The following PCLO variants were observed in gnomAD, a reference collection of about 807,000 sequenced individuals.
PCLO encodes the protein protein piccolo.
Under a neutral mutation model 427.5 loss-of-function variants are expected in PCLO, and 82 were observed. That is an observed-to-expected ratio of 0.19 (90% CI 0.16 to 0.23). PCLO has a LOEUF of 0.23. PCLO is among the 10% of genes least tolerant of loss of function. PCLO has a pLI of 1.00. For synonymous variants in PCLO, 2,357 were observed against 2,155.4 expected (o/e 1.09, Z -2.59); for missense variants, 6,239 against 6,115.9 (o/e 1.02, Z -0.67).
chr7:83,052,703 T>C (rs545930615), intron 3 of PCLO, among the ~76,000 whole-genome samples: 31 of 152,012 alleles, frequency 2.0e-4, no homozygotes, highest in Non-Finnish European at 2.7e-4. Context: ...ACCTCGTTGG[T>C]TGTTCTATAG....
At chr7:82,906,751 T>A (rs1225062884) in intron 8 of PCLO, among the ~76,000 whole-genome samples, 2 of 152,036 alleles carry the variant, frequency 1.3e-5, no homozygotes, top group Non-Finnish European at 1.5e-5. Flanking sequence ...TTTAATCAGC[T>A]TATAACTTTG....
At chr7:82,851,975 A>C (rs1380448909) in intron 10 of PCLO, among the ~76,000 whole-genome samples, 6 of 152,094 alleles carry the variant, frequency 3.9e-5, no homozygotes, top group Non-Finnish European at 7.3e-5. Flanking sequence ...CATATTTTAC[A>C]ATTTTGATCT....
chr7:83,071,186 T>C (rs1239774939), intron 3 of PCLO, among the ~76,000 whole-genome samples: 4 of 152,124 alleles, frequency 2.6e-5, no homozygotes, highest in African/African-American at 2.4e-5. Flanking sequence ...ACACAGACTT[T>C]GTGACCTTTA....
chr7:82,951,710 T>C (rs1795354590), intron 5 of PCLO, 146 bp downstream of exon 5: 2 of 1,259,722 alleles, frequency 1.6e-6, no homozygotes, highest in African/African-American at 1.5e-5. Flanking sequence ...AAAAGCGCAC[T>C]TGTACTCCAA....
chr7:82,860,716 T>A (rs1015388416), intron 10 of PCLO, among the ~76,000 whole-genome samples: 9 of 152,034 alleles, frequency 5.9e-5, no homozygotes, highest in Non-Finnish European at 1.3e-4. Context: ...AGGTAGAAGA[T>A]TAAATGATGA....
chr7:82,921,774 CA>C lies in PCLO; in HGVS notation c.11113-4902del, dbSNP rs534330923. Among the ~76,000 whole-genome samples the C allele has an allele frequency of 1.0e-3, 153 of 151,476 alleles. 1 individual carries two copies. The highest frequency in any genetic ancestry group is 1.7e-3 in the Non-Finnish European group (115 of 67,770). On this transcript the variant is annotated intron_variant, in intron 6 of 24. Transcript: ENST00000333891. ...ACCTAACTAAAGAGCTTCTGCACAG[CA>C]AAAAAACTATCAACAGAGTGACAGA...
intron 3 of PCLO, among the ~76,000 whole-genome samples, chr7:83,057,752 G>T (rs991114946): frequency 2.0e-5 from 3 of 151,656 alleles, no homozygotes; most frequent in Non-Finnish European, 4.4e-5. Flanking sequence ...ATTAGACATG[G>T]AACTTATTAA....
At chr7:83,088,659 T>G (rs760247790) in intron 3 of PCLO, among the ~76,000 whole-genome samples, 2 of 152,172 alleles carry the variant, frequency 1.3e-5, no homozygotes, top group Non-Finnish European at 1.5e-5. Flanking sequence ...CGGACCTCCT[T>G]GTGGTTCCTC....
chr7:83,150,539 G>A (rs1792103145), intron 2 of PCLO, among the ~76,000 whole-genome samples: 1 of 152,140 alleles, frequency 6.6e-6, no homozygotes, highest in Non-Finnish European at 1.5e-5. Flanking sequence ...GATGATTCGT[G>A]AGTTTGGAAC....
intron 3 of PCLO, among the ~76,000 whole-genome samples, chr7:82,988,674 G>C (rs531755211): frequency 2.6e-5 from 4 of 151,976 alleles, no homozygotes; most frequent in African/African-American, 9.7e-5. Context: ...TATGATACAT[G>C]TAAGGTATTT....
intron 3 of PCLO, among the ~76,000 whole-genome samples, chr7:83,121,100 G>C (rs1362876338): frequency 6.6e-6 from 1 of 151,770 alleles, no homozygotes; most frequent in African/African-American, 2.4e-5. Context: ...TGGCTAACAA[G>C]GTGAAACCCA....
intron 6 of PCLO, among the ~76,000 whole-genome samples, chr7:82,947,462 AATTT>A (rs1477966387): frequency 2.0e-5 from 3 of 152,144 alleles, no homozygotes; most frequent in Non-Finnish European, 4.4e-5. Flanking sequence ...TTAAGAAATT[AATTT>A]ATTTACTTTA....
At chr7:83,029,329 A>G (rs933228615) in intron 3 of PCLO, among the ~76,000 whole-genome samples, 4 of 152,034 alleles carry the variant, frequency 2.6e-5, no homozygotes, top group African/African-American at 4.8e-5. Context: ...TCAAAAGAAG[A>G]CATTTATGCA....
chr7:83,117,570 C>G (rs917560544), intron 3 of PCLO, among the ~76,000 whole-genome samples: 43 of 152,140 alleles, frequency 2.8e-4, no homozygotes, highest in African/African-American at 9.7e-4. Flanking sequence ...AAATCGAGCT[C>G]GCTTACTGCT....
intron 3 of PCLO, among the ~76,000 whole-genome samples, chr7:82,993,611 A>AT (rs1033084928): frequency 1.4e-5 from 2 of 142,932 alleles, no homozygotes; most frequent in Admixed American, 1.3e-4. Context: ...AGGCATGTAT[A>AT]TTTTTTTTAG....
chr7:82,926,985 A>G (rs1233640303), intron 6 of PCLO, among the ~76,000 whole-genome samples: 1 of 152,132 alleles, frequency 6.6e-6, no homozygotes, highest in East Asian at 1.9e-4. Flanking sequence ...TATCCTGTTC[A>G]TATGGTTCCT....
chr7:82,806,702 G>A (rs1167077291), intron 20 of PCLO, among the ~76,000 whole-genome samples: 1 of 152,140 alleles, frequency 6.6e-6, no homozygotes, highest in African/African-American at 2.4e-5. Context: ...CACCGATCTG[G>A]TTTTGACTCC....
chr7:82,803,500 CA>C (rs1442997187), intron 21 of PCLO, among the ~76,000 whole-genome samples: 1 of 152,046 alleles, frequency 6.6e-6, no homozygotes, highest in African/African-American at 2.4e-5. Flanking sequence ...CTGATTTTAA[CA>C]TAGGTACTTA....
rs1161030427 is a variant in PCLO at position 83,037,989 on chromosome 7, T to TTATATATATATATATATA, written c.3301-71520_3301-71503dup. On this transcript the variant is annotated intron_variant, in intron 3 of 24. Coordinates refer to ENST00000333891, the MANE Select transcript of PCLO (RefSeq NM_033026.6). ...GTTGTGTGGAGGTGTAAGGAGGAGC[T>TTATATATATATATATATA]TATATATATATATATATATATATAT... Among the ~76,000 whole-genome samples, 19 of 13,586 alleles carry TTATATATATATATATATA rather than the reference T, an allele frequency of 1.4e-3. 1 individual carries two copies. The highest frequency in any genetic ancestry group is 4.1e-3 in the South Asian group (1 of 246). The allele number at this position is 13,586 out of a possible 152,430, so 8.9% of individuals were successfully genotyped here. A position where few individuals can be genotyped will look rare whatever the true frequency, so the allele number is the denominator to read the frequency against.
Sources: allele counts gnomAD v4.1 joint callset (sites outside exome capture counted in the v4.1 genomes callset), GRCh38; gene constraint gnomAD v4.1.1; transcripts MANE v1.5; gene names NCBI Gene and HGNC (gene_info 2026-07-23, HGNC 2026-07-21).